Variants in FOXP2 observed in about 807,000 individuals in gnomAD.
FOXP2 encodes the protein forkhead box protein P2.
Under a neutral mutation model 115.8 loss-of-function variants are expected in FOXP2, and 12 were observed. The observed-to-expected ratio is 0.10, with a 90% CI of 0.07 to 0.17. FOXP2 has a LOEUF of 0.17. Among genes scored for constraint, FOXP2 ranks in the 10% least tolerant of loss-of-function variants. FOXP2 has a pLI of 1.00. For synonymous variants in FOXP2, 328 were observed against 297.7 expected (o/e 1.10, Z -1.05); for missense variants, 629 against 843.5 (o/e 0.75, Z 3.15).
upstream of FOXP2, among the ~76,000 whole-genome samples, chr7:114,410,426 C>G (rs139874125): frequency 1.7e-3 from 256 of 151,864 alleles, 2 homozygotes; most frequent in East Asian, 4.3e-3. Flanking sequence ...ATTGTTTGAC[C>G]CTGAGGAACT....
intron 3 of FOXP2, among the ~76,000 whole-genome samples, chr7:114,615,114 G>A (rs978222500): frequency 4.6e-5 from 7 of 152,074 alleles, no homozygotes; most frequent in Non-Finnish European, 8.8e-5. Context: ...AGCTACTCGT[G>A]AGGCTGAGTC....
At chr7:114,685,983 A>T (rs1167364361) in intron 16 of FOXP2, among the ~76,000 whole-genome samples, 2 of 151,482 alleles carry the variant, frequency 1.3e-5, no homozygotes, top group African/African-American at 4.9e-5. Context: ...TTTTTTTTTA[A>T]AAAAAAAGCC....
At chr7:114,485,379 T>C (rs575089318) in intron 2 of FOXP2, among the ~76,000 whole-genome samples, 2 of 152,112 alleles carry the variant, frequency 1.3e-5, no homozygotes, top group East Asian at 3.9e-4. Context: ...TTCAGCATAG[T>C]TTTAGAAATA....
intron 2 of FOXP2, among the ~76,000 whole-genome samples, chr7:114,321,723 G>A (rs968952195): frequency 2.0e-5 from 3 of 152,152 alleles, no homozygotes; most frequent in South Asian, 2.1e-4. Flanking sequence ...CAAGCTGGTA[G>A]AGTCTCCATG....
intron 2 of FOXP2, among the ~76,000 whole-genome samples, chr7:114,396,919 AC>A (rs1792759947): frequency 6.6e-6 from 1 of 152,166 alleles, no homozygotes. Flanking sequence ...AGGTATATAC[AC>A]TTCAAAACAT....
chr7:114,684,442 A>C (rs1808252061), intron 16 of FOXP2, among the ~76,000 whole-genome samples: 3 of 152,342 alleles, frequency 2.0e-5, no homozygotes, highest in African/African-American at 7.2e-5. Context: ...GGATGCCCAA[A>C]ATAATGCTTA....
At chr7:114,135,474 A>G (rs1054379053) in intron 1 of FOXP2, among the ~76,000 whole-genome samples, 1 of 152,164 alleles carries the variant, frequency 6.6e-6, no homozygotes, top group Non-Finnish European at 1.5e-5. Context: ...AGGTTTTAGA[A>G]TATATTCACT....
intron 2 of FOXP2, among the ~76,000 whole-genome samples, chr7:114,306,573 A>G (rs1797017709): frequency 6.6e-6 from 1 of 152,102 alleles, no homozygotes; most frequent in Non-Finnish European, 1.5e-5. Flanking sequence ...GCTCATGGAG[A>G]ATGTCTTTTT....
At chr7:114,362,034 A>G (rs1307347987) in intron 2 of FOXP2, among the ~76,000 whole-genome samples, 5 of 152,100 alleles carry the variant, frequency 3.3e-5, no homozygotes, top group Admixed American at 1.3e-4. Flanking sequence ...GTTCAAAAAT[A>G]AAATTCAAAC....
At chr7:114,495,784 G>C (rs1797296206) in intron 2 of FOXP2, among the ~76,000 whole-genome samples, 1 of 151,934 alleles carries the variant, frequency 6.6e-6, no homozygotes, top group Non-Finnish European at 1.5e-5. Flanking sequence ...TGGGATTACA[G>C]GCATAAGCAA....
At chr7:114,531,514 T>C (rs1799142176) in intron 2 of FOXP2, among the ~76,000 whole-genome samples, 1 of 151,886 alleles carries the variant, frequency 6.6e-6, no homozygotes, top group African/African-American at 2.4e-5. Context: ...AAAAATGTCA[T>C]ATGATGCATG....
intron 2 of FOXP2, among the ~76,000 whole-genome samples, chr7:114,392,981 T>G (rs916846014): frequency 2.0e-5 from 3 of 152,154 alleles, no homozygotes; most frequent in African/African-American, 7.2e-5. Context: ...TTAAACCACA[T>G]GGCTGGGAAG....
intron 3 of FOXP2, among the ~76,000 whole-genome samples, chr7:114,573,155 C>T (rs548676559): frequency 6.6e-6 from 1 of 151,914 alleles, no homozygotes; most frequent in South Asian, 2.1e-4. Flanking sequence ...CATACTTCAT[C>T]TTGGTCATTG....
In FOXP2 at chr7:114,602,917, A is replaced by G. The variant is rs1803107834; in HGVS notation, c.259-25623A>G. ...AAACTATGCAATTGTAATACTGTAG[A>G]CATTATGAAATTATTTCAGGGTTAC... On this transcript the variant is annotated intron_variant, in intron 3 of 16. Transcript: ENST00000350908. Among the ~76,000 whole-genome samples the G allele has an allele frequency of 1.3e-5, 2 of 152,160 alleles. 1 individual carries two copies. The highest frequency in any genetic ancestry group is 4.1e-4 in the South Asian group (2 of 4,826).
At chr7:114,160,225 T>TA, upstream of FOXP2, among the ~76,000 whole-genome samples, 1 of 152,154 alleles carries the variant, frequency 6.6e-6, no homozygotes, top group Non-Finnish European at 1.5e-5. Context: ...GGAGGGATTC[T>TA]AGTTTCTATG....
At chr7:114,123,931 A>T (rs1256241009) in intron 1 of FOXP2, among the ~76,000 whole-genome samples, 2 of 152,040 alleles carry the variant, frequency 1.3e-5, no homozygotes, top group Admixed American at 6.6e-5. Context: ...ATATTAAAAA[A>T]CTTTTGACAA....
intron 2 of FOXP2, among the ~76,000 whole-genome samples, chr7:114,469,249 G>A (rs1160164526): frequency 2.0e-5 from 3 of 152,012 alleles, no homozygotes; most frequent in African/African-American, 7.2e-5. Flanking sequence ...TATCTGTCAA[G>A]TTTTCAACAG....
chr7:114,578,039 G>T (rs570272434), intron 3 of FOXP2, among the ~76,000 whole-genome samples: 1 of 152,030 alleles, frequency 6.6e-6, no homozygotes. Flanking sequence ...TATTTCTAGT[G>T]TATCATATAC....
At chr7:114,211,064 G>A (rs1158731098) in intron 1 of FOXP2, among the ~76,000 whole-genome samples, 1 of 152,160 alleles carries the variant, frequency 6.6e-6, no homozygotes, top group East Asian at 1.9e-4. Context: ...ACTCGGACCC[G>A]CCTCAGGCAG....
Sources: allele counts gnomAD v4.1 joint callset (sites outside exome capture counted in the v4.1 genomes callset), GRCh38; gene constraint gnomAD v4.1.1; transcripts MANE v1.5; gene names NCBI Gene and HGNC (gene_info 2026-07-23, HGNC 2026-07-21).